Variants in TRNAU1AP observed in about 807,000 individuals in gnomAD.
TRNAU1AP encodes tRNA selenocysteine 1-associated protein 1.
TRNAU1AP carries 33 observed loss-of-function variants against 43.3 expected under a neutral mutation model. That is an observed-to-expected ratio of 0.76 (90% CI 0.58 to 1.02). TRNAU1AP has a LOEUF of 1.02. TRNAU1AP is among the 50% of genes least tolerant of loss of function. TRNAU1AP has a pLI of 0.00. For synonymous variants in TRNAU1AP, 143 were observed against 129.1 expected (o/e 1.11, Z -0.73); for missense variants, 290 against 362.7 (o/e 0.80, Z 1.63).
At chr1:28,560,570 C>G in intron 2 of TRNAU1AP, 63 bp from the exon 3 acceptor site, 1 of 1,391,398 alleles carries the variant, frequency 7.2e-7, no homozygotes, top group Non-Finnish European at 1.0e-6. Flanking sequence ...GCCATCACGC[C>G]TGGCCTCATC....
intron 7 of TRNAU1AP, 75 bp downstream of exon 7, chr1:28,571,413 G>T (rs1665659484): frequency 2.0e-6 from 3 of 1,492,036 alleles, no homozygotes; most frequent in East Asian, 4.5e-5. Flanking sequence ...TCTAGGATGG[G>T]ATTGGTAAGG....
chr1:28,561,945 G>T (rs10157537), intron 4 of TRNAU1AP, among the ~76,000 whole-genome samples: 6 of 151,982 alleles, frequency 3.9e-5, no homozygotes, highest in African/African-American at 1.5e-4. Context: ...GGTGGCAGGC[G>T]CCTGTAGTCC....
In TRNAU1AP at chr1:28,578,323, C is replaced by T. The variant is rs185956284; in HGVS notation, c.*687C>T. 152 of 175,532 alleles carry T rather than the reference C, an allele frequency of 8.7e-4. No individual in the cohort carries two copies. Among genetic ancestry groups the T allele is most frequent in the African/African-American group, 3.5e-3 (148 of 41,926 alleles). The allele number at this position is 175,532 out of a possible 1,614,324, so 10.9% of individuals were successfully genotyped here. ...GCAGACCCTCCGTGTGAACTTTATA[C>T]TGCTCACTTCCGTGTTTCCCAAGTA... On this transcript the variant is annotated 3_prime_UTR_variant, in exon 9 of 9. Transcript: ENST00000373830.
At position 28,571,923 on chromosome 1, in the gene TRNAU1AP, C is replaced by T. The variant is rs760067621; in HGVS notation, c.727+23C>T. On this transcript the variant is annotated intron_variant, in intron 8 of 8. Coordinates refer to ENST00000373830, the MANE Select transcript of TRNAU1AP (RefSeq NM_017846.5). Reference sequence around the variant, plus strand: ...AAGGTAAGGGTTCATACGTTCCTTACTCTGTCAGCCATTATCAGGTGACTG... The same window carrying T: ...AAGGTAAGGGTTCATACGTTCCTTATTCTGTCAGCCATTATCAGGTGACTG... The T allele has an allele frequency of 1.9e-6, 3 of 1,606,256 alleles. No individual in the cohort carries two copies. The East Asian group carries it at 6.7e-5, about 36-fold the overall frequency.
rs1294717695 is a variant in TRNAU1AP at position 28,577,753 on chromosome 1, G to T, written c.*117G>T. On this transcript the variant is annotated 3_prime_UTR_variant, in exon 9 of 9. Coordinates refer to ENST00000373830, the MANE Select transcript of TRNAU1AP (RefSeq NM_017846.5). ...TAAGATTTTAATAATGACTGTTTTTGGAGATCATGAATGTTTCTACAACAC... is the reference window on the plus strand; with the variant it reads ...TAAGATTTTAATAATGACTGTTTTTTGAGATCATGAATGTTTCTACAACAC... 16 of 1,180,426 alleles carry T rather than the reference G, an allele frequency of 1.4e-5. No individual in the cohort carries two copies. The highest frequency in any genetic ancestry group is 2.0e-4 in the Middle Eastern group (1 of 4,966). 73.1% of individuals were successfully genotyped at this position (1,180,426 alleles called of 1,614,324 possible).
rs567071585 is a variant in TRNAU1AP at position 28,559,988 on chromosome 1, C to T, written c.126-645C>T. Among the ~76,000 whole-genome samples, 22 of 151,958 alleles carry T rather than the reference C, an allele frequency of 1.4e-4. No homozygotes were observed. In the South Asian group the frequency reaches 4.0e-3, roughly 27 times the overall value. ...CTCTACTAAAAATACAAAAATTAGC[C>T]AGGCATGGTGGTGGGTACCTGTAAT... On this transcript the variant is annotated intron_variant, in intron 2 of 8. Coordinates refer to ENST00000373830, the MANE Select transcript of TRNAU1AP (RefSeq NM_017846.5).
intron 8 of TRNAU1AP, chr1:28,574,655 C>A (rs548610853): frequency 6.6e-6 from 1 of 152,222 alleles, no homozygotes; most frequent in African/African-American, 2.4e-5. Context: ...CTGCCCATCT[C>A]GGCCTTCCAA....
intron 2 of TRNAU1AP, among the ~76,000 whole-genome samples, chr1:28,554,896 T>G (rs962029536): frequency 2.7e-5 from 4 of 149,462 alleles, no homozygotes; most frequent in African/African-American, 9.9e-5. Context: ...TGAATTCGAG[T>G]CTATCCTGAA....
intron 8 of TRNAU1AP, among the ~76,000 whole-genome samples, chr1:28,575,693 G>A (rs542413635): frequency 4.6e-5 from 7 of 151,144 alleles, no homozygotes; most frequent in East Asian, 2.0e-4. Context: ...GTGCAGTGGC[G>A]CAATCTCGCA....
intron 2 of TRNAU1AP, among the ~76,000 whole-genome samples, chr1:28,554,799 G>A (rs1423830998): frequency 6.7e-6 from 1 of 149,118 alleles, no homozygotes; most frequent in East Asian, 2.0e-4. Context: ...AGCCGAGATC[G>A]CTCCACTCCA....
rs770247414 is a variant in TRNAU1AP, at chr1:28,564,712, T to A, written c.288T>A (p.Tyr96Ter). 6.2e-7 allele frequency: 1 copy of A among 1,613,950 alleles called. No individual in the cohort carries two copies. The highest frequency in any genetic ancestry group is 8.5e-7 in the Non-Finnish European group (1 of 1,179,940). The change falls in exon 5 of 9, where the codon TAT becomes TAA. Residue 96 changes from tyrosine (Y) to a stop codon, truncating the protein, a stop_gained. Coordinates refer to ENST00000373830, the MANE Select transcript of TRNAU1AP (RefSeq NM_017846.5). LOFTEE classifies it high-confidence loss of function. Reference sequence around the variant, plus strand: ...TGTTCTCTCTCCTCAGCCCTGAGTATTCCCTCTTTGTGGGGGACCTGACCC... The same window carrying A: ...TGTTCTCTCTCCTCAGCCCTGAGTAATCCCTCTTTGTGGGGGACCTGACCC... ...YGKQPDNSPE[Y>*]SLFVGDLTPD...
At chr1:28,558,264 G>A (rs1198878998) in intron 2 of TRNAU1AP, among the ~76,000 whole-genome samples, 1 of 143,828 alleles carries the variant, frequency 7.0e-6, no homozygotes, top group East Asian at 2.0e-4. Flanking sequence ...TTGCCAGGCT[G>A]GAGTGCAGTG....
chr1:28,575,418 T>G (rs1435816339), intron 8 of TRNAU1AP, among the ~76,000 whole-genome samples: 2 of 151,904 alleles, frequency 1.3e-5, no homozygotes, highest in Non-Finnish European at 2.9e-5. Flanking sequence ...CTCCCAATGC[T>G]GGGATTACAG....
At chr1:28,569,558 G>C (rs1665614129) in intron 6 of TRNAU1AP, among the ~76,000 whole-genome samples, 1 of 149,468 alleles carries the variant, frequency 6.7e-6, no homozygotes, top group African/African-American at 2.5e-5. Context: ...AGGTGTGGTG[G>C]CGGGCACCTG....
chr1:28,564,780 T>C lies in TRNAU1AP; in HGVS notation c.356T>C (p.Val119Ala). Residue 119 changes from valine (V) to alanine (A), a missense_variant, in exon 5 of 9, where the codon GTC (valine) becomes GCC (alanine). Around this residue, in one of 3 missense-constraint regions of TRNAU1AP, gnomAD observed 174 missense variants for 262.1 expected, o/e 0.66. Transcript: ENST00000373830. The stretch of plus-strand genomic sequence containing the variant: ...ATGCTGTATGAATTCTTCGTCAAAG[T>C]CTACCCCTCCTGTCGGGGAGGCAAG... ...DGMLYEFFVK[V>A]YPSCRGGKVV... 6.2e-7 allele frequency: 1 copy of C among 1,614,170 alleles called. No homozygotes were observed. Among genetic ancestry groups the C allele is most frequent in the East Asian group, 2.2e-5 (1 of 44,882 alleles).
In TRNAU1AP at chr1:28,577,816, G is replaced by T. The variant is rs1479763723; in HGVS notation, c.*180G>T. The stretch of plus-strand genomic sequence containing the variant: ...TTGACCATTTGAGTTTGAAGACCAA[G>T]GGAACAACTTTTAAACAAGGTTCAA... On this transcript the variant is annotated 3_prime_UTR_variant, in exon 9 of 9. Coordinates refer to ENST00000373830, the MANE Select transcript of TRNAU1AP (RefSeq NM_017846.5). 4.5e-6 allele frequency: 3 copies of T among 666,390 alleles called. No homozygotes were observed. The highest frequency in any genetic ancestry group is 4.9e-6 in the Non-Finnish European group (2 of 409,716). 41.3% of individuals were successfully genotyped at this position (666,390 alleles called of 1,614,324 possible).
At chr1:28,554,592 A>G (rs1172202613) in intron 2 of TRNAU1AP, among the ~76,000 whole-genome samples, 2 of 152,150 alleles carry the variant, frequency 1.3e-5, no homozygotes, top group Non-Finnish European at 2.9e-5. Flanking sequence ...CTGTAATCCT[A>G]GCACTTTGGG....
At chr1:28,553,597 C>G in intron 1 of TRNAU1AP, 43 bp from the exon 2 acceptor site, 1 of 1,593,680 alleles carries the variant, frequency 6.3e-7, no homozygotes. Flanking sequence ...GAGTGGGAAG[C>G]CCGGCCGCCG....
At chr1:28,553,334 C>T (rs1665176975) in intron 1 of TRNAU1AP, 197 bp downstream of exon 1, 9 of 703,522 alleles carry the variant, frequency 1.3e-5, no homozygotes, top group Non-Finnish European at 1.7e-5. Flanking sequence ...GTCCTGGGGC[C>T]CCACCTGGGT....
Sources: allele counts gnomAD v4.1 joint callset (sites outside exome capture counted in the v4.1 genomes callset), GRCh38; gene constraint gnomAD v4.1.1; regional missense constraint gnomAD v4.1.1; transcripts MANE v1.5; gene names NCBI Gene and HGNC (gene_info 2026-07-23, HGNC 2026-07-21).